Variants in TBC1D2 observed in about 807,000 individuals in gnomAD.
TBC1D2 encodes the protein TBC1 domain family member 2A.
In TBC1D2, 58 loss-of-function variants were observed where a neutral mutation model predicts 91.1. That is an observed-to-expected ratio of 0.64 (90% CI 0.52 to 0.79). TBC1D2 has a LOEUF of 0.79. Ranked by LOEUF, TBC1D2 falls within the 30% of genes least tolerant of loss-of-function variation. The pLI, the probability that TBC1D2 is intolerant of heterozygous loss-of-function variation, is 0.00. For synonymous variants in TBC1D2, 482 were observed against 511.5 expected (o/e 0.94, Z 0.78); for missense variants, 1,080 against 1,208.3 (o/e 0.89, Z 1.57).
At chr9:98,242,444 A>C (rs1829663417) in intron 3 of TBC1D2, among the ~76,000 whole-genome samples, 1 of 150,112 alleles carries the variant, frequency 6.7e-6, no homozygotes, top group Non-Finnish European at 1.5e-5. Context: ...CCATCTCCAA[A>C]AAAAAAAAAA....
chr9:98,205,141 G>A (rs143290334), intron 9 of TBC1D2, among the ~76,000 whole-genome samples: 298 of 152,294 alleles, frequency 2.0e-3, no homozygotes, highest in Non-Finnish European at 3.4e-3. Flanking sequence ...GTGGCAGAGT[G>A]GAAACAGAAC....
At chr9:98,252,031 A>AG in intron 1 of TBC1D2, 105 bp from the exon 2 acceptor site, 2 of 1,404,480 alleles carry the variant, frequency 1.4e-6, no homozygotes, top group South Asian at 2.7e-5. Context: ...TTTCTTTCCC[A>AG]GGAAAAAAAA....
chr9:98,239,740 T>A (rs1042345403), intron 3 of TBC1D2, among the ~76,000 whole-genome samples: 1 of 152,032 alleles, frequency 6.6e-6, no homozygotes, highest in Non-Finnish European at 1.5e-5. Flanking sequence ...CTGTGAAGAA[T>A]TGGTATTAAT....
intron 3 of TBC1D2, among the ~76,000 whole-genome samples, chr9:98,234,461 AGGTCAGTGTATTT>A (rs1285018690): frequency 6.6e-6 from 1 of 152,248 alleles, no homozygotes; most frequent in Admixed American, 6.5e-5. Context: ...GGAGTTCACT[AGGTCAGTGTATTT>A]CGAACTGAAA....
rs745782199 is a variant in TBC1D2 at position 98,201,654 on chromosome 9, C to T, written c.2282G>A (p.Arg761Gln). 17 of 1,610,944 alleles carry T rather than the reference C, an allele frequency of 1.1e-5. No homozygotes were observed. Among genetic ancestry groups the T allele is most frequent in the East Asian group, 6.7e-5 (3 of 44,818 alleles). Reference protein sequence around the residue: ...NTLTASQVDQRVLQDLLSEKL... With the variant: ...NTLTASQVDQQVLQDLLSEKL... ...CTCCGAGAGCAGGTCCTGGAGCACC[C>T]GCTGGTCCACCTGGAAGCCAGCGAG... The change falls in exon 11 of 13, where the codon CGG (arginine) becomes CAG (glutamine). Residue 761 changes from arginine (R) to glutamine (Q), a missense_variant. Physicochemically the swap from Arg to Gln is conservative, Grantham distance 43. Transcript: ENST00000465784.
chr9:98,212,124 C>G (rs569657573), intron 7 of TBC1D2, among the ~76,000 whole-genome samples: 1 of 152,104 alleles, frequency 6.6e-6, no homozygotes, highest in Non-Finnish European at 1.5e-5. Context: ...GCTGCTGATT[C>G]CAAACAATCT....
At chr9:98,251,964 C>CTGAA (rs1563992574) in intron 1 of TBC1D2, 38 bp from the exon 2 acceptor site, 1 of 1,573,754 alleles carries the variant, frequency 6.4e-7, no homozygotes, top group Admixed American at 1.9e-5. Flanking sequence ...GGCCCTGTGC[C>CTGAA]TGAAGGGTGG....
chr9:98,216,572 G>A (rs1402020782), intron 6 of TBC1D2, among the ~76,000 whole-genome samples: 6 of 152,340 alleles, frequency 3.9e-5, no homozygotes, highest in Middle Eastern at 6.8e-3. Context: ...CAGGTGCTCA[G>A]CAGACACTGC....
At chr9:98,203,450 GGCCCT>G (rs769381036) in intron 9 of TBC1D2, 42 bp from the exon 10 acceptor site, 3 of 1,607,952 alleles carry the variant, frequency 1.9e-6, no homozygotes, top group Non-Finnish European at 2.5e-6. Context: ...CAGAAGCCGT[GGCCCT>G]GCCAGGCAGC....
chr9:98,207,942 T>C (rs1828697944), intron 9 of TBC1D2, among the ~76,000 whole-genome samples: 1 of 152,204 alleles, frequency 6.6e-6, no homozygotes, highest in South Asian at 2.1e-4. Context: ...CTGTGTTTTC[T>C]TTTCCTGGCT....
In TBC1D2 at chr9:98,255,358, G is replaced by A. The variant is rs1829952712; in HGVS notation, c.184C>T (p.Arg62Trp). ...LSKFGGKGPI[R>W]GWKSRWFFYD... ...AAGAACCAGCGGGATTTCCAGCCCC[G>A]GATGGGCCCTTTGCCGCCGAACTTA... is the stretch of plus-strand genomic sequence containing the variant. The change falls in exon 1 of 13, where the codon CGG (arginine) becomes TGG (tryptophan). Residue 62 changes from arginine to tryptophan, a missense_variant. Physicochemically the swap from Arg to Trp is moderately radical, Grantham distance 101. Transcript: ENST00000465784. 1.9e-6 allele frequency: 3 copies of A among 1,614,244 alleles called. No individual in the cohort carries two copies. Among genetic ancestry groups the A allele is most frequent in the Non-Finnish European group, 2.5e-6 (3 of 1,180,042 alleles).
chr9:98,251,145 C>T lies in TBC1D2; in HGVS notation c.511+640G>A, dbSNP rs532608512. Among the ~76,000 whole-genome samples, 515 of 152,118 alleles carry T rather than the reference C, an allele frequency of 3.4e-3. 4 individuals are homozygous for T. The highest frequency in any genetic ancestry group is 0.012 in the African/African-American group (496 of 41,496). On this transcript the variant is annotated intron_variant, in intron 2 of 12. Transcript: ENST00000465784. Reference sequence around the variant, plus strand: ...ACTAAAAATACAAAAATTAGCCGGGCGTGGTGGCACGTGCCTGTAATCCCA... The same window carrying T: ...ACTAAAAATACAAAAATTAGCCGGGTGTGGTGGCACGTGCCTGTAATCCCA...
rs1461295202 is a variant in TBC1D2 at position 98,210,667 on chromosome 9, C to T, written c.1662G>A (p.Leu554=). The change falls in exon 8 of 13, where the codon CTG becomes CTA. Residue 554 remains leucine (L), a synonymous_variant. Transcript: ENST00000465784. ...AGEASSDSIE[L]SPISKYDEYG... is the part of the protein sequence containing the mutation. ...GCCGCCAGGCTCACCTGATGGGGCT[C>T]AGCTCGATGCTGTCAGATGAGGCCT... 16 of 1,594,814 alleles carry T rather than the reference C, an allele frequency of 1.0e-5. No individual in the cohort carries two copies. The highest frequency in any genetic ancestry group is 1.4e-5 in the Non-Finnish European group (16 of 1,169,112).
At chr9:98,223,529 C>G (rs1829149667) in intron 5 of TBC1D2, among the ~76,000 whole-genome samples, 1 of 152,234 alleles carries the variant, frequency 6.6e-6, no homozygotes, top group Admixed American at 6.5e-5. Flanking sequence ...TCTGCTTCAG[C>G]TGAGATTTGG....
rs1554754378 is a variant in TBC1D2 at position 98,232,340 on chromosome 9, C to CTTTTTTTTTTTTTTTTT, written c.781+1075_781+1076insAAAAAAAAAAAAAAAAA. Among the ~76,000 whole-genome samples, 161 of 51,972 alleles carry CTTTTTTTTTTTTTTTTT rather than the reference C, an allele frequency of 3.1e-3. 6 individuals carry two copies. Among genetic ancestry groups the CTTTTTTTTTTTTTTTTT allele is most frequent in the African/African-American group, 0.018 (112 of 6,164 alleles). 34.1% of individuals were successfully genotyped at this position (51,972 alleles called of 152,430 possible). A position where few individuals can be genotyped will look rare whatever the true frequency, so the allele number is the denominator to read the frequency against. The stretch of plus-strand genomic sequence containing the variant: ...TTTTTCTTTTCTTCTTTCTCTTTTT[C>CTTTTTTTTTTTTTTTTT]TGTTTTTTTTTTTGACAGTGTCTCA... On this transcript the variant is annotated intron_variant, in intron 4 of 12. Coordinates refer to ENST00000465784, the MANE Select transcript of TBC1D2 (RefSeq NM_001267571.2).
chr9:98,213,419 G>GA, intron 6 of TBC1D2: 2 of 1,383,160 alleles, frequency 1.4e-6, no homozygotes, highest in Non-Finnish European at 1.9e-6. Flanking sequence ...GTGGTAAAGG[G>GA]ACCAGTAGGT....
intron 6 of TBC1D2, among the ~76,000 whole-genome samples, chr9:98,217,864 C>T (rs931705188): frequency 6.6e-6 from 1 of 151,930 alleles, no homozygotes; most frequent in African/African-American, 2.4e-5. Flanking sequence ...ATGGCGGGTG[C>T]CTTCATACCT....
At chr9:98,242,487 C>T (rs997477051) in intron 3 of TBC1D2, among the ~76,000 whole-genome samples, 1 of 151,232 alleles carries the variant, frequency 6.6e-6, no homozygotes, top group Non-Finnish European at 1.5e-5. Flanking sequence ...AAAAGAAACG[C>T]CCAAACAGGA....
intron 2 of TBC1D2, among the ~76,000 whole-genome samples, chr9:98,247,410 T>C (rs1028407249): frequency 2.0e-5 from 3 of 149,638 alleles, no homozygotes; most frequent in Non-Finnish European, 4.4e-5. Context: ...CCTTCAGAGT[T>C]AATGTATACA....
Sources: allele counts gnomAD v4.1 joint callset (sites outside exome capture counted in the v4.1 genomes callset), GRCh38; gene constraint gnomAD v4.1.1; transcripts MANE v1.5; gene names NCBI Gene and HGNC (gene_info 2026-07-23, HGNC 2026-07-21).